ESRP1: variants seen among roughly 807,000 people sequenced by gnomAD.
ESRP1 encodes the protein epithelial splicing regulatory protein 1.
ESRP1 carries 33 observed loss-of-function variants against 81.7 expected under a neutral mutation model. The observed-to-expected ratio is 0.40, with a 90% CI of 0.31 to 0.54. ESRP1 has a LOEUF of 0.54. Ranked by LOEUF, ESRP1 falls within the 20% of genes least tolerant of loss-of-function variation. The pLI is 0.41. For missense variants in ESRP1, 672 were observed against 833.1 expected (o/e 0.81, Z 2.38); for synonymous variants, 320 against 303.3 (o/e 1.06, Z -0.57).
At chr8:94,702,705 A>AAC (rs1378162579) in intron 15 of ESRP1, among the ~76,000 whole-genome samples, 1 of 152,004 alleles carries the variant, frequency 6.6e-6, no homozygotes, top group African/African-American at 2.4e-5. Context: ...GGATGGTCTC[A>AAC]ATCTCCTGAC....
At chr8:94,678,091 T>G in intron 12 of ESRP1, 112 bp from the exon 13 acceptor site, 1 of 1,103,402 alleles carries the variant, frequency 9.1e-7, no homozygotes, top group Non-Finnish European at 1.3e-6. Context: ...TAAAGAACTG[T>G]GGTCTCTTTC....
intron 13 of ESRP1, among the ~76,000 whole-genome samples, chr8:94,685,764 C>T (rs990091426): frequency 4.7e-5 from 7 of 150,162 alleles, no homozygotes; most frequent in East Asian, 2.0e-4. Flanking sequence ...GCTCTCCAGC[C>T]GGGGTGACAG....
At chr8:94,665,111 G>A in intron 8 of ESRP1, 43 bp from the exon 9 acceptor site, 2 of 1,613,668 alleles carry the variant, frequency 1.2e-6, no homozygotes, top group South Asian at 1.1e-5. Flanking sequence ...AATTAACATA[G>A]GACGGAAGGC....
chr8:94,641,207 G>T lies in ESRP1; in HGVS notation c.-112G>T. 9.5e-7 allele frequency: 1 copy of T among 1,057,880 alleles called. No individual in the cohort carries two copies. The highest frequency in any genetic ancestry group is 2.8e-5 in the Admixed American group (1 of 36,022). 65.5% of individuals were successfully genotyped at this position (1,057,880 alleles called of 1,614,324 possible). On this transcript the variant is annotated 5_prime_UTR_variant, in exon 1 of 16. Coordinates refer to ENST00000433389, the MANE Select transcript of ESRP1 (RefSeq NM_017697.4). The stretch of plus-strand genomic sequence containing the variant: ...CTAGCAGTAGCAAGGAAGGGGGGTG[G>T]GCGCTCTTTCTTTTTCTCTTAGAAG...
chr8:94,669,529 C>T (rs1277694018), intron 10 of ESRP1, among the ~76,000 whole-genome samples: 3 of 152,064 alleles, frequency 2.0e-5, no homozygotes, highest in African/African-American at 4.8e-5. Context: ...TTCCATTGTA[C>T]TGGTGCTCTT....
chr8:94,666,071 A>AT (rs1232159951), intron 9 of ESRP1, among the ~76,000 whole-genome samples: 1 of 151,986 alleles, frequency 6.6e-6, no homozygotes, highest in Non-Finnish European at 1.5e-5. Flanking sequence ...TTTTTGTCTG[A>AT]TTTTTTTCTA....
intron 10 of ESRP1, among the ~76,000 whole-genome samples, chr8:94,668,788 CATGT>C (rs1819150473): frequency 1.3e-5 from 1 of 76,754 alleles, no homozygotes; most frequent in Middle Eastern, 6.3e-3. Context: ...TAGCTTTCAG[CATGT>C]GTGTGTGTGT....
intron 15 of ESRP1, among the ~76,000 whole-genome samples, chr8:94,700,346 A>C (rs776140554): frequency 9.2e-5 from 14 of 152,228 alleles, no homozygotes; most frequent in Non-Finnish European, 1.2e-4. Flanking sequence ...TCGTGTAAGA[A>C]AGAGGCAGAG....
At position 94,697,338 on chromosome 8, in the gene ESRP1, G is replaced by A. The variant is rs77910210; in HGVS notation, c.*35+377G>A. On this transcript the variant is annotated intron_variant, in intron 15 of 15. Transcript: ENST00000433389. Reference sequence around the variant, plus strand: ...TGGTTTTTAGTATATTCACAAAATCGTGCAACTACTACCTCAGTTTAGTTC... The same window carrying A: ...TGGTTTTTAGTATATTCACAAAATCATGCAACTACTACCTCAGTTTAGTTC... 1.5e-4 allele frequency among the ~76,000 whole-genome samples: 23 copies of A among 152,028 alleles called. No individual in the cohort carries two copies. In the East Asian group the frequency reaches 3.1e-3, roughly 20 times the overall value.
intron 4 of ESRP1, among the ~76,000 whole-genome samples, chr8:94,648,767 T>C (rs1273598085): frequency 6.6e-6 from 1 of 152,232 alleles, no homozygotes; most frequent in Non-Finnish European, 1.5e-5. Flanking sequence ...TTGAAGTGTT[T>C]AATTTTTTTT....
chr8:94,663,288 C>A (rs1818847847), intron 6 of ESRP1, among the ~76,000 whole-genome samples: 1 of 152,030 alleles, frequency 6.6e-6, no homozygotes, highest in African/African-American at 2.4e-5. Flanking sequence ...GCTCTGTTGC[C>A]CAGCTGGAAT....
Position 94,706,907 on chromosome 8 carries a change from T to C in ESRP1, c.*1018T>C, listed in dbSNP as rs1162383185. On this transcript the variant is annotated 3_prime_UTR_variant, in exon 16 of 16. Coordinates refer to ENST00000433389, the MANE Select transcript of ESRP1 (RefSeq NM_017697.4). ...CAAATAATTATAACCTTTTAAAGCA[T>C]AGGACTATAGTCAGCATGCTAGACT... 2 of 152,230 alleles carry C rather than the reference T, an allele frequency of 1.3e-5. No homozygotes were observed. Among genetic ancestry groups the C allele is most frequent in the African/African-American group, 4.8e-5 (2 of 41,456 alleles). The allele number at this position is 152,230 out of a possible 1,614,324, so 9.4% of individuals were successfully genotyped here. A position where few individuals can be genotyped will look rare whatever the true frequency, so the allele number is the denominator to read the frequency against.
intron 4 of ESRP1, among the ~76,000 whole-genome samples, chr8:94,659,901 C>T (rs528645948): frequency 3.3e-5 from 5 of 152,162 alleles, no homozygotes; most frequent in Non-Finnish European, 4.4e-5. Context: ...TAAGCCAAAG[C>T]GCAATCTGGA....
In ESRP1 at chr8:94,646,226, A is replaced by G; in HGVS notation, c.434A>G (p.Lys145Arg). 6.2e-7 allele frequency: 1 copy of G among 1,612,998 alleles called. No individual in the cohort carries two copies. The highest frequency in any genetic ancestry group is 8.5e-7 in the Non-Finnish European group (1 of 1,179,350). ...TTTGATCTTCGAAAAGAATTCAAGA[A>G]ATGTTGCCCTGGTTCACCTGATATT... is the stretch of plus-strand genomic sequence containing the variant. ...SFFDLRKEFK[K>R]CCPGSPDIDK... Residue 145 changes from lysine (K) to arginine (R), a missense_variant, in exon 4 of 16, where the codon AAA becomes AGA. Lys to Arg is a conservative substitution (Grantham distance 26, BLOSUM62 2). Transcript: ENST00000433389.
intron 13 of ESRP1, chr8:94,688,507 G>C (rs189731506): frequency 4.6e-6 from 1 of 219,638 alleles, no homozygotes; most frequent in African/African-American, 2.3e-5. Flanking sequence ...CTGCTTCCAC[G>C]TCATCAGTTT....
chr8:94,691,717 C>T (rs1459687999), intron 13 of ESRP1, among the ~76,000 whole-genome samples: 1 of 152,044 alleles, frequency 6.6e-6, no homozygotes, highest in Non-Finnish European at 1.5e-5. Context: ...TGTTTAATTA[C>T]CCTTGAAATG....
chr8:94,677,134 T>G (rs1419401443), intron 12 of ESRP1, among the ~76,000 whole-genome samples: 1 of 152,200 alleles, frequency 6.6e-6, no homozygotes. Flanking sequence ...GAGATCAATA[T>G]GTTAGTCTTT....
chr8:94,657,200 C>T (rs1016680798), intron 4 of ESRP1, among the ~76,000 whole-genome samples: 2 of 152,158 alleles, frequency 1.3e-5, no homozygotes, highest in African/African-American at 2.4e-5. Flanking sequence ...TGAGGCATTT[C>T]TCATTTGTGA....
At position 94,641,919 on chromosome 8, in the gene ESRP1, T is replaced by C. The variant is rs765691903; in HGVS notation, c.133-37T>C. 79 of 1,606,428 alleles carry C rather than the reference T, an allele frequency of 4.9e-5. 1 individual carries two copies. The highest frequency in any genetic ancestry group is 2.4e-4 in the South Asian group (22 of 90,794). The stretch of plus-strand genomic sequence containing the variant: ...GAGGGTGCAGAAAGAGGCTCCGAAA[T>C]TGGGGGAAACTGACCCGTGCTTCTC... On this transcript the variant is annotated intron_variant, in intron 1 of 15. Transcript: ENST00000433389.
Sources: gnomAD v4.1 joint callset for allele counts (sites outside exome capture counted in the v4.1 genomes callset) on GRCh38, gnomAD v4.1.1 for gene constraint, MANE v1.5 for transcripts, NCBI Gene and HGNC (gene_info 2026-07-23, HGNC 2026-07-21) for gene names.